Variants in ADAMTSL5 observed in about 807,000 individuals in gnomAD.
The protein encoded by ADAMTSL5 is ADAMTS like 5, also known as ADAMTS-like protein 5.
ADAMTSL5 carries 53 observed loss-of-function variants against 51.7 expected under a neutral mutation model. The ratio of observed to expected loss-of-function variants is 1.03; its 90% CI spans 0.82 to 1.29. ADAMTSL5 has a LOEUF of 1.29. Among genes scored for constraint, ADAMTSL5 ranks in the 50% most tolerant of loss-of-function variants. The pLI, the probability that ADAMTSL5 is intolerant of heterozygous loss-of-function variation, is 0.00. For missense variants in ADAMTSL5, 770 were observed against 676.2 expected (o/e 1.14, Z -1.54); for synonymous variants, 285 against 278.7 (o/e 1.02, Z -0.23).
intron 6 of ADAMTSL5, 138 bp downstream of exon 6, chr19:1,508,305 C>T: frequency 2.6e-6 from 2 of 758,734 alleles, no homozygotes; most frequent in South Asian, 3.0e-5. Context: ...GGGGCAGGGC[C>T]TGGAAGGGGA....
At chr19:1,511,534 T>C in intron 1 of ADAMTSL5, 1 of 1,196,116 alleles carries the variant, frequency 8.4e-7, no homozygotes, top group Admixed American at 3.3e-5. Flanking sequence ...AATCGATGCT[T>C]GATGATTGGA....
rs1249619354 is a variant in ADAMTSL5, at chr19:1,507,124, CT to C, written c.852+117del. 3.6e-6 allele frequency: 5 copies of C among 1,392,356 alleles called. No homozygotes were observed. The African/African-American group carries it at 7.3e-5, about 20-fold the overall frequency. The allele number at this position is 1,392,356 out of a possible 1,614,324, so 86.3% of individuals were successfully genotyped here. The stretch of plus-strand genomic sequence containing the variant: ...CTGATGCTCTGTCCCAGCCTCTCCC[CT>C]CTGACCCCAGACTCCCCCTTCTGGC... On this transcript the variant is annotated intron_variant, in intron 9 of 11. Coordinates refer to ENST00000330475, the MANE Select transcript of ADAMTSL5 (RefSeq NM_213604.3).
chr19:1,510,658 G>A lies in ADAMTSL5; in HGVS notation c.172C>T (p.Arg58Cys), dbSNP rs774891231. 2.1e-5 allele frequency: 32 copies of A among 1,539,308 alleles called. No individual in the cohort carries two copies. The highest frequency in any genetic ancestry group is 2.2e-4 in the Middle Eastern group (1 of 4,512). Residue 58 changes from arginine (R) to cysteine (C), a missense_variant, in exon 3 of 12, where the codon CGC (arginine) becomes TGC (cysteine). Arg to Cys is a radical substitution (Grantham distance 180). Transcript: ENST00000330475. ...GCTCACCGGAGGCAGCGCCGGCTGC[G>A]CACAGAGACGCCACGCCCGCAGGAG... ...SSSCGRGVSVRSRRCLRLPGE... is the reference protein window; with the variant it reads ...SSSCGRGVSVCSRRCLRLPGE...
intron 9 of ADAMTSL5, 103 bp downstream of exon 9, chr19:1,507,139 C>G: frequency 7.1e-7 from 1 of 1,407,300 alleles, no homozygotes; most frequent in Non-Finnish European, 9.5e-7. Context: ...ACCCCAGACT[C>G]CCCCTTCTGG....
chr19:1,507,368 C>G lies in ADAMTSL5; in HGVS notation c.726G>C (p.Gly242=). Residue 242 remains glycine, a synonymous_variant, in exon 9 of 12, where the codon GGG becomes GGC. Coordinates refer to ENST00000330475, the MANE Select transcript of ADAMTSL5 (RefSeq NM_213604.3). ...MGGDGRYVLN[G]HWVVSPPGTY... ...TCCCTGGTGGGCTGACCACCCAGTG[C>G]CCATTAAGCACGTAGCGCCCATCGC... is the stretch of plus-strand genomic sequence containing the variant. The G allele has an allele frequency of 6.3e-7, 1 of 1,580,226 alleles. No homozygotes were observed. Among genetic ancestry groups the G allele is most frequent in the Non-Finnish European group, 8.6e-7 (1 of 1,162,220 alleles).
In ADAMTSL5 at chr19:1,507,417, C is replaced by G. The variant is rs1913001527; in HGVS notation, c.689-12G>C. The stretch of plus-strand genomic sequence containing the variant: ...GCCCCCCATCAGTGCTGCAAGGGAA[C>G]AGTCAGCCCTCAGGAACCTGTCGTC... On this transcript the variant is annotated splice_polypyrimidine_tract_variant and intron_variant, in intron 8 of 11. Transcript: ENST00000330475. 6.3e-7 allele frequency: 1 copy of G among 1,582,178 alleles called. No homozygotes were observed. The highest frequency in any genetic ancestry group is 1.2e-5 in the South Asian group (1 of 85,750).
chr19:1,510,996 G>T lies in ADAMTSL5; in HGVS notation c.-53C>A. ...TGTCCCGGCTCTGCCCTGACTGGCTGTGTGATCTTGGAAAGTAACTAAACC... is the reference window on the plus strand; with the variant it reads ...TGTCCCGGCTCTGCCCTGACTGGCTTTGTGATCTTGGAAAGTAACTAAACC... On this transcript the variant is annotated 5_prime_UTR_variant, in exon 2 of 12. Coordinates refer to ENST00000330475, the MANE Select transcript of ADAMTSL5 (RefSeq NM_213604.3). The T allele has an allele frequency of 7.8e-7, 1 of 1,277,698 alleles. No individual in the cohort carries two copies. Among genetic ancestry groups the T allele is most frequent in the Non-Finnish European group, 1.0e-6 (1 of 986,420 alleles). The allele number at this position is 1,277,698 out of a possible 1,614,324, so 79.1% of individuals were successfully genotyped here. A position where few individuals can be genotyped will look rare whatever the true frequency, so the allele number is the denominator to read the frequency against.
intron 1 of ADAMTSL5, among the ~76,000 whole-genome samples, chr19:1,511,978 G>T (rs1404741224): frequency 6.6e-6 from 1 of 152,222 alleles, no homozygotes; most frequent in Non-Finnish European, 1.5e-5. Flanking sequence ...GCTGGAGCAG[G>T]GAAGGGGAGG....
At chr19:1,508,144 G>A in intron 6 of ADAMTSL5, 35 bp from the exon 7 acceptor site, 1 of 1,571,648 alleles carries the variant, frequency 6.4e-7, no homozygotes, top group East Asian at 2.3e-5. Flanking sequence ...CGTCACTGAC[G>A]CTGGGAGGGG....
rs1332062204 is a variant in ADAMTSL5 at position 1,510,163 on chromosome 19, C to T, written c.348G>A (p.Val116=). The T allele has an allele frequency of 1.9e-6, 3 of 1,611,646 alleles. No homozygotes were observed. Among genetic ancestry groups the T allele is most frequent in the Non-Finnish European group, 2.5e-6 (3 of 1,179,322 alleles). ...VLGTQKTYQW[V]PFHGAPNQCD... ...CAGACTACTCACCCCCATGGAAGGG[C>T]ACCCACTGGTAGGTCTTCTGGGTGC... is the stretch of plus-strand genomic sequence containing the variant. Residue 116 remains valine (V), a synonymous_variant, in exon 5 of 12, where the codon GTG becomes GTA. Coordinates refer to ENST00000330475, the MANE Select transcript of ADAMTSL5 (RefSeq NM_213604.3).
Position 1,505,992 on chromosome 19 carries a change from G to T in ADAMTSL5, c.*23C>A. 1 of 1,518,238 alleles carries T rather than the reference G, an allele frequency of 6.6e-7. No homozygotes were observed. The highest frequency in any genetic ancestry group is 8.8e-7 in the Non-Finnish European group (1 of 1,141,122). The allele number at this position is 1,518,238 out of a possible 1,614,324, so 94.0% of individuals were successfully genotyped here. A position where few individuals can be genotyped will look rare whatever the true frequency, so the allele number is the denominator to read the frequency against. On this transcript the variant is annotated 3_prime_UTR_variant, in exon 12 of 12. Transcript: ENST00000330475. Reference sequence around the variant, plus strand: ...GTCAGATGTATCTTTCTTGCTGTGTGTGGCCGGGGCTCCTGCAGGGGCTCA... The same window carrying T: ...GTCAGATGTATCTTTCTTGCTGTGTTTGGCCGGGGCTCCTGCAGGGGCTCA...
chr19:1,506,090 G>T lies in ADAMTSL5; in HGVS notation c.1341C>A (p.His447Gln). Reference protein sequence around the residue: ...DGTQDQLLLPHAGYARPWSPA... With the variant: ...DGTQDQLLLPQAGYARPWSPA... ...GGCTCCAGGGCCGGGCGTAGCCGGCGTGGGGCAGCAGCAGCTGGTCCTGTG... is the reference window on the plus strand; with the variant it reads ...GGCTCCAGGGCCGGGCGTAGCCGGCTTGGGGCAGCAGCAGCTGGTCCTGTG... Residue 447 changes from histidine (H) to glutamine (Q), a missense_variant, in exon 12 of 12, where the codon CAC becomes CAA. Physicochemically the swap from His to Gln is conservative, Grantham distance 24. Transcript: ENST00000330475. The surrounding 1 kb of genome is among the most constrained non-coding windows in gnomAD (Gnocchi z 5.6). 1.2e-6 allele frequency: 2 copies of T among 1,603,330 alleles called. No individual in the cohort carries two copies. Among genetic ancestry groups the T allele is most frequent in the Non-Finnish European group, 1.7e-6 (2 of 1,177,402 alleles).
Position 1,511,000 on chromosome 19 carries a change from G to A in ADAMTSL5, c.-57C>T. On this transcript the variant is annotated 5_prime_UTR_variant, in exon 2 of 12. Coordinates refer to ENST00000330475, the MANE Select transcript of ADAMTSL5 (RefSeq NM_213604.3). ...CCGGCTCTGCCCTGACTGGCTGTGT[G>A]ATCTTGGAAAGTAACTAAACCTCTC... The A allele has an allele frequency of 7.9e-7, 1 of 1,264,548 alleles. No homozygotes were observed. The highest frequency in any genetic ancestry group is 1.0e-6 in the Non-Finnish European group (1 of 976,162). 78.3% of individuals were successfully genotyped at this position (1,264,548 alleles called of 1,614,324 possible).
At position 1,506,321 on chromosome 19, in the gene ADAMTSL5, T is replaced by C. The variant is rs1308410805; in HGVS notation, c.1115-5A>G. Reference sequence around the variant, plus strand: ...CCAGCACTCGGGCCTGGAACACTGTTGAGGGGACGTGCTAAGCTGGCTGGC... The same window carrying C: ...CCAGCACTCGGGCCTGGAACACTGTCGAGGGGACGTGCTAAGCTGGCTGGC... On this transcript the variant is annotated splice_polypyrimidine_tract_variant and splice_region_variant and intron_variant, in intron 11 of 11. Coordinates refer to ENST00000330475, the MANE Select transcript of ADAMTSL5 (RefSeq NM_213604.3). This position sits in a 1 kb window ranked among gnomAD's most constrained non-coding sequence, Gnocchi z 5.6. 1 of 1,544,352 alleles carries C rather than the reference T, an allele frequency of 6.5e-7. No individual in the cohort carries two copies. Among genetic ancestry groups the C allele is most frequent in the Admixed American group, 1.9e-5 (1 of 52,374 alleles).
At chr19:1,508,276 G>A in intron 6 of ADAMTSL5, 167 bp from the exon 7 acceptor site, 1 of 1,175,962 alleles carries the variant, frequency 8.5e-7, no homozygotes, top group Non-Finnish European at 1.2e-6. Flanking sequence ...GCCCGGGAGT[G>A]GGTGCCTAAG....
At chr19:1,509,254 C>CAAAAAAAA (rs753778097) in intron 5 of ADAMTSL5, among the ~76,000 whole-genome samples, 1 of 49,544 alleles carries the variant, frequency 2.0e-5, no homozygotes, top group African/African-American at 9.9e-5. Flanking sequence ...GACTCCATCT[C>CAAAAAAAA]AAAAAAAAAA....
intron 1 of ADAMTSL5, chr19:1,511,842 G>A (rs574611747): frequency 4.0e-5 from 13 of 324,264 alleles, no homozygotes; most frequent in Middle Eastern, 1.0e-3. Context: ...GGAGTCCCCC[G>A]GATTGGGGAT....
chr19:1,511,064 A>T lies in ADAMTSL5; in HGVS notation c.-121T>A. On this transcript the variant is annotated 5_prime_UTR_variant, in exon 2 of 12. Transcript: ENST00000330475. ...TCGTCTCTGAAAAACGGGGTAATAG[A>T]GCCTCCCTTACAGGAAAGTTGAGGG... The T allele has an allele frequency of 2.7e-6, 2 of 732,598 alleles. No homozygotes were observed. The highest frequency in any genetic ancestry group is 3.4e-5 in the East Asian group (1 of 29,640). The allele number at this position is 732,598 out of a possible 1,614,324, so 45.4% of individuals were successfully genotyped here. A position where few individuals can be genotyped will look rare whatever the true frequency, so the allele number is the denominator to read the frequency against.
intron 5 of ADAMTSL5, among the ~76,000 whole-genome samples, chr19:1,509,569 G>A (rs265294): frequency 1.9e-4 from 28 of 148,768 alleles, no homozygotes; most frequent in East Asian, 4.2e-4. Context: ...GGGCCTCTGC[G>A]GGGGTGGGAT....
Sources: allele counts gnomAD v4.1 joint callset (sites outside exome capture counted in the v4.1 genomes callset), GRCh38; gene constraint gnomAD v4.1.1; non-coding constraint Gnocchi (gnomAD v3.1); transcripts MANE v1.5; gene names NCBI Gene and HGNC (gene_info 2026-07-23, HGNC 2026-07-21).